ATP6V0E1: variants seen among roughly 807,000 people sequenced by gnomAD.
ATP6V0E1 encodes V-type proton ATPase subunit e 1.
Under a neutral mutation model 11.6 loss-of-function variants are expected in ATP6V0E1, and 4 were observed. That is an observed-to-expected ratio of 0.35 (90% CI 0.17 to 0.79). The LOEUF (loss-of-function observed/expected upper bound fraction) is 0.79. Among genes scored for constraint, ATP6V0E1 ranks in the 30% least tolerant of loss-of-function variants. The pLI, the probability that ATP6V0E1 is intolerant of heterozygous loss-of-function variation, is 0.54. For missense variants in ATP6V0E1, 105 were observed against 100.0 expected (o/e 1.05, Z -0.21); for synonymous variants, 36 against 34.8 (o/e 1.04, Z -0.13).
chr5:172,999,290 G>A (rs765602993), intron 2 of ATP6V0E1, among the ~76,000 whole-genome samples: 2 of 151,742 alleles, frequency 1.3e-5, no homozygotes, highest in African/African-American at 4.8e-5. Context: ...AAACAAAAAC[G>A]TTTCCAGTCA....
chr5:173,031,014 C>T (rs1310576551), intron 3 of ATP6V0E1, among the ~76,000 whole-genome samples: 1 of 151,326 alleles, frequency 6.6e-6, no homozygotes, highest in East Asian at 1.9e-4. Flanking sequence ...GTGCGATCTC[C>T]GCTCACCGCA....
intron 2 of ATP6V0E1, among the ~76,000 whole-genome samples, chr5:173,004,537 G>A (rs1037284840): frequency 1.3e-5 from 2 of 152,134 alleles, no homozygotes; most frequent in African/African-American, 4.8e-5. Context: ...TTGGAAGAAA[G>A]GGGAAGATTT....
chr5:173,008,094 CTCCAGCT>C (rs1428942757), intron 2 of ATP6V0E1, among the ~76,000 whole-genome samples: 30 of 152,188 alleles, frequency 2.0e-4, no homozygotes. Context: ...TGAAATGTCC[CTCCAGCT>C]TCCTCTACTG....
At chr5:172,985,301 G>A (rs1321418017) in intron 1 of ATP6V0E1, among the ~76,000 whole-genome samples, 1 of 150,598 alleles carries the variant, frequency 6.6e-6, no homozygotes, top group Non-Finnish European at 1.5e-5. Context: ...AATATTTTGT[G>A]ACCTGAACCC....
intron 3 of ATP6V0E1, chr5:173,020,944 GT>G (rs1468027692): frequency 3.9e-6 from 2 of 519,170 alleles, no homozygotes; most frequent in Admixed American, 1.9e-5. Flanking sequence ...CAAAATTAAG[GT>G]TTTTGAATGC....
chr5:173,000,762 G>A (rs1231138620), intron 2 of ATP6V0E1, among the ~76,000 whole-genome samples: 8 of 150,636 alleles, frequency 5.3e-5, no homozygotes, highest in Non-Finnish European at 8.8e-5. Context: ...GTGCAGTGGC[G>A]AGATCTCAGC....
At chr5:173,016,296 G>A (rs892892205) in intron 2 of ATP6V0E1, among the ~76,000 whole-genome samples, 6 of 152,214 alleles carry the variant, frequency 3.9e-5, no homozygotes, top group Admixed American at 3.3e-4. Context: ...GCTGGAGTCC[G>A]CTGCAGAATT....
chr5:172,983,876 C>T lies in ATP6V0E1; in HGVS notation c.16C>T (p.Leu6Phe), dbSNP rs1241013240. Residue 6 changes from leucine (L) to phenylalanine (F), a missense_variant, in exon 1 of 4, where the codon CTC becomes TTC. Physicochemically the swap from Leu to Phe is conservative, Grantham distance 22 (BLOSUM62 0). Transcript: ENST00000519374. Reference protein sequence around the residue: MAYHGLTVPLIVMSVF... With the variant: MAYHGFTVPLIVMSVF... ...GGCGGCGACCATGGCGTATCACGGCCTCACTGTGCCTCTCATTGTGATGAG... is the reference window on the plus strand; with the variant it reads ...GGCGGCGACCATGGCGTATCACGGCTTCACTGTGCCTCTCATTGTGATGAG... The T allele has an allele frequency of 1.2e-6, 2 of 1,613,774 alleles. No individual in the cohort carries two copies. The highest frequency in any genetic ancestry group is 8.5e-7 in the Non-Finnish European group (1 of 1,179,816).
At chr5:173,005,320 C>A (rs1438532972) in intron 2 of ATP6V0E1, among the ~76,000 whole-genome samples, 1 of 152,138 alleles carries the variant, frequency 6.6e-6, no homozygotes, top group Non-Finnish European at 1.5e-5. Context: ...TCTTTTGTTT[C>A]TTTCACAAAT....
intron 2 of ATP6V0E1, among the ~76,000 whole-genome samples, chr5:172,995,178 A>G (rs1756045662): frequency 6.6e-6 from 1 of 152,206 alleles, no homozygotes; most frequent in African/African-American, 2.4e-5. Flanking sequence ...ATCTCAGCTC[A>G]CTGCAACCTC....
chr5:173,020,676 A>G, intron 3 of ATP6V0E1: 2 of 524,962 alleles, frequency 3.8e-6, no homozygotes. Flanking sequence ...GCATTGTGAG[A>G]TCCAGCAACT....
At chr5:173,030,925 T>G (rs757372145) in intron 3 of ATP6V0E1, among the ~76,000 whole-genome samples, 26 of 78,988 alleles carry the variant, frequency 3.3e-4, no homozygotes, top group Non-Finnish European at 5.3e-4. Context: ...ATTTTTGTAT[T>G]TATTTATTTA....
intron 3 of ATP6V0E1, among the ~76,000 whole-genome samples, chr5:173,021,377 G>GC (rs1274074994): frequency 1.3e-5 from 2 of 151,934 alleles, no homozygotes; most frequent in Non-Finnish European, 2.9e-5. Flanking sequence ...AATGGCGGAG[G>GC]ATGAAAGGCA....
chr5:173,001,625 C>G (rs1756154945), intron 2 of ATP6V0E1, among the ~76,000 whole-genome samples: 1 of 152,162 alleles, frequency 6.6e-6, no homozygotes, highest in Non-Finnish European at 1.5e-5. Flanking sequence ...GTGGCTCACG[C>G]CTGTAATCGC....
At chr5:173,030,661 G>A (rs1756635768) in intron 3 of ATP6V0E1, among the ~76,000 whole-genome samples, 1 of 151,778 alleles carries the variant, frequency 6.6e-6, no homozygotes, top group Non-Finnish European at 1.5e-5. Context: ...GGCTGGTCTT[G>A]AACTCCTGAT....
chr5:173,030,441 G>GTTTTTTTT (rs60654421), intron 3 of ATP6V0E1, among the ~76,000 whole-genome samples: 1 of 127,560 alleles, frequency 7.8e-6, no homozygotes. Flanking sequence ...TCAGTTTTTT[G>GTTTTTTTT]TTTTTTTTTT....
rs755370604 is a variant in ATP6V0E1, at chr5:173,011,428, C to T, written c.153-8810C>T. Reference sequence around the variant, plus strand: ...TGAACTCATAGGCTCAAGCAATCCACCTGCCTCAGCCTCCCAAAGTGTTGG... The same window carrying T: ...TGAACTCATAGGCTCAAGCAATCCATCTGCCTCAGCCTCCCAAAGTGTTGG... On this transcript the variant is annotated intron_variant, in intron 2 of 3. Coordinates refer to ENST00000519374, the MANE Select transcript of ATP6V0E1 (RefSeq NM_003945.4). Among the ~76,000 whole-genome samples the T allele has an allele frequency of 2.6e-5, 4 of 152,062 alleles. No individual in the cohort carries two copies. In the South Asian group the frequency reaches 6.2e-4, roughly 24 times the overall value.
At chr5:173,014,389 A>C (rs1756373327) in intron 2 of ATP6V0E1, among the ~76,000 whole-genome samples, 1 of 152,188 alleles carries the variant, frequency 6.6e-6, no homozygotes, top group South Asian at 2.1e-4. Flanking sequence ...TAGAGAAATC[A>C]GTATATATAA....
At chr5:173,020,892 A>G (rs1756472640) in intron 3 of ATP6V0E1, 4 of 519,986 alleles carry the variant, frequency 7.7e-6, no homozygotes, top group Admixed American at 1.9e-5. Context: ...CTAAGCATTC[A>G]CTTTGGCTGC....
Sources: gnomAD v4.1 joint callset for allele counts (sites outside exome capture counted in the v4.1 genomes callset) on GRCh38, gnomAD v4.1.1 for gene constraint, MANE v1.5 for transcripts, NCBI Gene and HGNC (gene_info 2026-07-23, HGNC 2026-07-21) for gene names.